The following COX7A2L variants were observed in gnomAD, a reference collection of about 807,000 sequenced individuals.
COX7A2L encodes the protein cytochrome c oxidase subunit 7A2 like, also known as cytochrome c oxidase subunit 7A2-like, mitochondrial.
COX7A2L carries 18 observed loss-of-function variants against 14.2 expected under a neutral mutation model. That is an observed-to-expected ratio of 1.27 (90% confidence interval 0.88 to 1.88). COX7A2L has a LOEUF of 1.88. Ranked by LOEUF, COX7A2L falls within the 40% of genes most tolerant of loss-of-function variation. COX7A2L has a pLI of 0.00. For synonymous variants in COX7A2L, 65 were observed against 57.4 expected, an observed-to-expected ratio of 1.13 and a Z score of -0.60; for missense variants, 179 against 138.8, an observed-to-expected ratio of 1.29 and a Z score of -1.46.
rs1337254296 is a variant in COX7A2L at position 42,352,911 on chromosome 2, C to T, written c.204+301G>A. On this transcript the variant is annotated intron_variant, in intron 2 of 2. Coordinates refer to ENST00000234301, the MANE Select transcript of COX7A2L (RefSeq NM_004718.4). ...ATATTGGGTCATTCAGTTATACAGG[C>T]TACTCAGTTATTGAGGCTATTGCTT... 24 of 447,746 alleles carry T rather than the reference C, an allele frequency of 5.4e-5. No individual in the cohort carries two copies. The East Asian group carries it at 8.9e-4, about 17-fold the overall frequency. 27.7% of individuals were successfully genotyped at this position (447,746 alleles called of 1,614,324 possible). A position where few individuals can be genotyped will look rare whatever the true frequency, so the allele number is the denominator to read the frequency against.
chr2:42,368,773 G>A (rs1337434250), intron 1 of COX7A2L: 1 of 152,184 alleles, frequency 6.6e-6, no homozygotes, highest in Non-Finnish European at 1.5e-5. Context: ...ACTGGATGGA[G>A]TAGGATTTTG....
At chr2:42,357,514 G>C (rs1670862355) in intron 1 of COX7A2L, among the ~76,000 whole-genome samples, 1 of 151,734 alleles carries the variant, frequency 6.6e-6, no homozygotes, top group African/African-American at 2.4e-5. Context: ...GTCTCACTTT[G>C]CTGCCCAGGC....
rs2103884854 is a variant in COX7A2L at position 42,350,131 on chromosome 2, T to G, written c.*1088A>C. The G allele has an allele frequency of 6.6e-6, 1 of 152,324 alleles. No homozygotes were observed. The highest frequency in any genetic ancestry group is 6.5e-5 in the Admixed American group (1 of 15,310). The allele number at this position is 152,324 out of a possible 1,614,324, so 9.4% of individuals were successfully genotyped here. ...ATTTTCAAATCACCACATCTTATCC[T>G]GAGCAAGAGGTCACTGTTCTGTGCT... On this transcript the variant is annotated 3_prime_UTR_variant, in exon 3 of 3. Coordinates refer to ENST00000234301, the MANE Select transcript of COX7A2L (RefSeq NM_004718.4).
chr2:42,353,307 T>C lies in COX7A2L; in HGVS notation c.109A>G (p.Ile37Val), dbSNP rs372959992. Reference sequence around the variant, plus strand: ...AGTTTAGTTGGTGTGGCAAATATGATAGGTGGTGCTTCTGTGGAAACCACA... The same window carrying C: ...AGTTTAGTTGGTGTGGCAAATATGACAGGTGGTGCTTCTGTGGAAACCACA... ...KPVVSTEAPP[I>V]IFATPTKLTS... The change falls in exon 2 of 3, where the codon ATC (isoleucine) becomes GTC (valine). Residue 37 changes from isoleucine to valine, a missense_variant. Ile to Val is a conservative substitution (Grantham distance 29, BLOSUM62 3). Coordinates refer to ENST00000234301, the MANE Select transcript of COX7A2L (RefSeq NM_004718.4). 26 of 1,613,942 alleles carry C rather than the reference T, an allele frequency of 1.6e-5. No homozygotes were observed. Among genetic ancestry groups the C allele is most frequent in the South Asian group, 5.5e-5 (5 of 91,072 alleles).
At chr2:42,354,680 A>G (rs1171943714) in intron 1 of COX7A2L, among the ~76,000 whole-genome samples, 1 of 152,206 alleles carries the variant, frequency 6.6e-6, no homozygotes, top group Non-Finnish European at 1.5e-5. Flanking sequence ...CTTGGCTTCT[A>G]TTTCTTCTGA....
chr2:42,358,256 T>C (rs1276729624), intron 1 of COX7A2L, among the ~76,000 whole-genome samples: 4 of 152,216 alleles, frequency 2.6e-5, no homozygotes, highest in Non-Finnish European at 4.4e-5. Context: ...AACATCTTCA[T>C]GTGCTTATTG....
chr2:42,366,591 G>A (rs1671169846), intron 1 of COX7A2L, among the ~76,000 whole-genome samples: 1 of 152,170 alleles, frequency 6.6e-6, no homozygotes, highest in African/African-American at 2.4e-5. Flanking sequence ...AAGATGGTAT[G>A]TACTGAAAAA....
downstream of COX7A2L, among the ~76,000 whole-genome samples, chr2:42,346,074 T>G (rs182468450): frequency 2.7e-3 from 409 of 152,278 alleles, no homozygotes; most frequent in African/African-American, 9.4e-3. Context: ...CTGCACTCCT[T>G]CCCTGCATCT....
At chr2:42,356,340 T>C (rs1233134144) in intron 1 of COX7A2L, among the ~76,000 whole-genome samples, 1 of 152,202 alleles carries the variant, frequency 6.6e-6, no homozygotes, top group Admixed American at 6.5e-5. Context: ...CCACCTAACA[T>C]ACTATGTTTT....
intron 2 of COX7A2L, among the ~76,000 whole-genome samples, chr2:42,340,303 G>A (rs550422057): frequency 3.3e-5 from 5 of 152,212 alleles, no homozygotes; most frequent in Non-Finnish European, 7.4e-5. Flanking sequence ...TCGCGCCCCT[G>A]GGATCCATTC....
downstream of COX7A2L, among the ~76,000 whole-genome samples, chr2:42,344,917 C>A (rs1242491390): frequency 6.6e-6 from 1 of 151,740 alleles, no homozygotes; most frequent in Non-Finnish European, 1.5e-5. Context: ...ATAAATCTTG[C>A]TTACTGTTAA....
At position 42,337,607 on chromosome 2, in the gene COX7A2L, G is replaced by A. The variant is rs552701136; in HGVS notation, c.193-3738C>T. ...CTGCTGAAAACCAAGGAAGCCTGTG[G>A]TCTGGATTACTGTGTCCTTCCAATG... On this transcript the variant is annotated intron_variant, in intron 2 of 2. Coordinates refer to the COX7A2L transcript ENST00000468711. 1.6e-3 allele frequency among the ~76,000 whole-genome samples: 247 copies of A among 152,242 alleles called. 1 individual carries two copies. Among genetic ancestry groups the A allele is most frequent in the African/African-American group, 5.8e-3 (239 of 41,538 alleles).
chr2:42,336,616 C>T (rs948193924), intron 2 of COX7A2L, among the ~76,000 whole-genome samples: 1 of 152,096 alleles, frequency 6.6e-6, no homozygotes, highest in Admixed American at 6.6e-5. Flanking sequence ...CAGTGATGCC[C>T]GTTTGGCTGG....
chr2:42,356,039 T>C (rs1374725339), intron 1 of COX7A2L, among the ~76,000 whole-genome samples: 1 of 152,120 alleles, frequency 6.6e-6, no homozygotes, highest in Non-Finnish European at 1.5e-5. Flanking sequence ...TCTGTTTTTT[T>C]TCCTTTTTGA....
chr2:42,351,185 T>C lies in COX7A2L; in HGVS notation c.*34A>G. ...TGAAAAAGGAACTTCAAAGGGTTTA[T>C]GCCAAAAAACAAACCAGTCCTCTGC... On this transcript the variant is annotated 3_prime_UTR_variant, in exon 3 of 3. Coordinates refer to ENST00000234301, the MANE Select transcript of COX7A2L (RefSeq NM_004718.4). 6.3e-7 allele frequency: 1 copy of C among 1,585,746 alleles called. No homozygotes were observed. The highest frequency in any genetic ancestry group is 8.6e-7 in the Non-Finnish European group (1 of 1,166,516).
At chr2:42,340,697 G>A (rs999665054) in intron 2 of COX7A2L, among the ~76,000 whole-genome samples, 2 of 152,066 alleles carry the variant, frequency 1.3e-5, no homozygotes, top group African/African-American at 2.4e-5. Context: ...CACGTGAGGT[G>A]CAAGTTCAAC....
At chr2:42,353,413 A>T (rs1670713229) in intron 1 of COX7A2L, 70 bp from the exon 2 acceptor site, 4 of 1,583,724 alleles carry the variant, frequency 2.5e-6, no homozygotes, top group Non-Finnish European at 3.4e-6. Context: ...TAGTGGAGGC[A>T]GCCATTCAAC....
upstream of COX7A2L, chr2:42,361,430 T>A (rs1195341604): frequency 5.1e-6 from 2 of 392,750 alleles, no homozygotes; most frequent in Non-Finnish European, 9.3e-6. Context: ...TGAAGTTCCC[T>A]CTTTCCCCCA....
At position 42,350,941 on chromosome 2, in the gene COX7A2L, AAGCCTGTGTTC is replaced by A. The variant is rs1352414296; in HGVS notation, c.*267_*277del. On this transcript the variant is annotated 3_prime_UTR_variant, in exon 3 of 3. Transcript: ENST00000234301. ...GTCCTCAGCACAGACTGACATTAAC[AAGCCTGTGTTC>A]AGCCTTCATCCAGAACCTCCAGGGA... 3.7e-6 allele frequency: 1 copy of A among 271,830 alleles called. No homozygotes were observed. Among genetic ancestry groups the A allele is most frequent in the African/African-American group, 2.2e-5 (1 of 45,150 alleles). 16.8% of individuals were successfully genotyped at this position (271,830 alleles called of 1,614,324 possible). A position where few individuals can be genotyped will look rare whatever the true frequency, so the allele number is the denominator to read the frequency against.
Sources: allele counts gnomAD v4.1 joint callset (sites outside exome capture counted in the v4.1 genomes callset), GRCh38; gene constraint gnomAD v4.1.1; transcripts MANE v1.5; gene names NCBI Gene and HGNC (gene_info 2026-07-23, HGNC 2026-07-21).